The following ADGRG6 variants were observed in gnomAD, a reference collection of about 807,000 sequenced individuals.
The protein encoded by ADGRG6 is adhesion G protein-coupled receptor G6.
Under a neutral mutation model 142.4 loss-of-function variants are expected in ADGRG6, and 84 were observed. The ratio of observed to expected loss-of-function variants is 0.59; its 90% CI spans 0.49 to 0.71. ADGRG6 has a LOEUF of 0.71. ADGRG6 is among the 30% of genes least tolerant of loss of function. The probability of loss-of-function intolerance (pLI) is 0.00; values close to 1 mark genes in which losing one functional copy is unlikely to be tolerated. For synonymous variants in ADGRG6, 521 were observed against 520.5 expected (o/e 1.00, Z -0.01); for missense variants, 1,367 against 1,466.6 (o/e 0.93, Z 1.11).
At position 142,320,031 on chromosome 6, in the gene ADGRG6, G is replaced by A. The variant is rs149378104; in HGVS notation, c.103+10387G>A. On this transcript the variant is annotated intron_variant, in intron 2 of 24. Transcript: ENST00000367609. ...AGAATACATAAACCAGTTTGTTCAC[G>A]TGGAGGTAAAAAAAATTAGATTTGA... is the stretch of plus-strand genomic sequence containing the variant. Among the ~76,000 whole-genome samples, 1,464 of 152,086 alleles carry A rather than the reference G, an allele frequency of 9.6e-3. 25 individuals carry two copies. Among genetic ancestry groups the A allele is most frequent in the East Asian group, 0.059 (305 of 5,182 alleles).
chr6:142,418,095 G>A (rs1321707697), intron 21 of ADGRG6, among the ~76,000 whole-genome samples: 1 of 151,986 alleles, frequency 6.6e-6, no homozygotes, highest in Non-Finnish European at 1.5e-5. Flanking sequence ...AGAAGTTTGA[G>A]ATCAGCCTGG....
intron 9 of ADGRG6, 62 bp downstream of exon 9, chr6:142,394,020 G>A: frequency 9.6e-7 from 1 of 1,039,760 alleles, no homozygotes; most frequent in Non-Finnish European, 1.5e-6. Context: ...ACTTTATCTG[G>A]TAGAGAAATG....
intron 2 of ADGRG6, among the ~76,000 whole-genome samples, chr6:142,321,390 T>C (rs1039989181): frequency 6.6e-5 from 10 of 151,906 alleles, no homozygotes; most frequent in Admixed American, 2.6e-4. Flanking sequence ...AAAAGACTTA[T>C]ATAAGAATTT....
chr6:142,430,634 A>G (rs1350487901), intron 22 of ADGRG6, among the ~76,000 whole-genome samples: 1 of 152,216 alleles, frequency 6.6e-6, no homozygotes, highest in African/African-American at 2.4e-5. Context: ...GAATAGTTAA[A>G]TAGCTCTAAC....
At chr6:142,325,655 T>C (rs192518234) in intron 2 of ADGRG6, among the ~76,000 whole-genome samples, 2 of 152,256 alleles carry the variant, frequency 1.3e-5, no homozygotes, top group East Asian at 3.9e-4. Flanking sequence ...CCTGTAACCA[T>C]AGCTGTATTC....
At chr6:142,412,468 A>AT (rs1221862104) in intron 18 of ADGRG6, among the ~76,000 whole-genome samples, 1 of 152,164 alleles carries the variant, frequency 6.6e-6, no homozygotes, top group East Asian at 1.9e-4. Flanking sequence ...TGGCTCACAA[A>AT]TCTACTCAGC....
At chr6:142,418,773 GA>G (rs1236812138) in intron 21 of ADGRG6, among the ~76,000 whole-genome samples, 1 of 152,088 alleles carries the variant, frequency 6.6e-6, no homozygotes, top group Non-Finnish European at 1.5e-5. Flanking sequence ...ATATGGCCCA[GA>G]ATAATAACCA....
At chr6:142,374,408 G>A (rs1399002762) in intron 4 of ADGRG6, among the ~76,000 whole-genome samples, 1 of 152,210 alleles carries the variant, frequency 6.6e-6, no homozygotes, top group Non-Finnish European at 1.5e-5. Flanking sequence ...TAAACAATTA[G>A]ATTTCACATA....
At position 142,302,036 on chromosome 6, in the gene ADGRG6, A is replaced by G. The variant is rs374899993; in HGVS notation, c.-294A>G. The G allele has an allele frequency of 1.4e-3, 684 of 500,152 alleles. 3 individuals carry two copies. Among genetic ancestry groups the G allele is most frequent in the African/African-American group, 0.012 (609 of 50,424 alleles). 31.0% of individuals were successfully genotyped at this position (500,152 alleles called of 1,614,324 possible). ...TCTCCTCAGCACCAGCCCCACGCAC[A>G]CCCTACTTCCTCAGCTTCTCGCCCT... On this transcript the variant is annotated 5_prime_UTR_variant, in exon 1 of 25. Coordinates refer to ENST00000367609, the MANE Select transcript of ADGRG6 (RefSeq NM_198569.3).
intron 22 of ADGRG6, among the ~76,000 whole-genome samples, chr6:142,424,997 T>A (rs1379315970): frequency 1.3e-5 from 2 of 151,982 alleles, no homozygotes; most frequent in African/African-American, 4.8e-5. Flanking sequence ...GTGCAAAAAA[T>A]TTGCTATAGT....
chr6:142,444,587 A>G lies in ADGRG6; in HGVS notation c.*1072A>G, dbSNP rs536647819. On this transcript the variant is annotated 3_prime_UTR_variant, in exon 25 of 25. Transcript: ENST00000367609. ...TAATTTATGAAGAGCTGGGTCTGCA[A>G]TAGCTAGTCTAAAAACTACTTGTGT... The G allele has an allele frequency of 2.0e-5, 3 of 152,310 alleles. No individual in the cohort carries two copies. Among genetic ancestry groups the G allele is most frequent in the Non-Finnish European group, 2.9e-5 (2 of 68,014 alleles). The allele number at this position is 152,310 out of a possible 1,614,324, so 9.4% of individuals were successfully genotyped here.
At chr6:142,341,777 T>C (rs920286968) in intron 2 of ADGRG6, among the ~76,000 whole-genome samples, 4 of 149,276 alleles carry the variant, frequency 2.7e-5, no homozygotes, top group Non-Finnish European at 5.9e-5. Context: ...TTTTTACCTC[T>C]CCTTCTAAAT....
At chr6:142,357,439 C>A (rs1009992633) in intron 2 of ADGRG6, among the ~76,000 whole-genome samples, 1 of 151,982 alleles carries the variant, frequency 6.6e-6, no homozygotes, top group Non-Finnish European at 1.5e-5. Context: ...TTAAAAAAAT[C>A]TGTATTATGG....
chr6:142,310,159 C>A (rs1777694486), intron 2 of ADGRG6, among the ~76,000 whole-genome samples: 1 of 151,448 alleles, frequency 6.6e-6, no homozygotes, highest in African/African-American at 2.4e-5. Context: ...TTAATTACAG[C>A]ATTTTTGGAA....
At chr6:142,385,244 G>T (rs1221646687) in intron 6 of ADGRG6, among the ~76,000 whole-genome samples, 1 of 152,074 alleles carries the variant, frequency 6.6e-6, no homozygotes, top group African/African-American at 2.4e-5. Context: ...ATCTCTCTCT[G>T]CGTCATAACC....
chr6:142,444,428 C>T lies in ADGRG6; in HGVS notation c.*913C>T, dbSNP rs1410332515. 1.4e-4 allele frequency: 21 copies of T among 152,190 alleles called. 1 individual carries two copies. Among genetic ancestry groups the T allele is most frequent in the Admixed American group, 1.4e-3 (21 of 15,254 alleles). The allele number at this position is 152,190 out of a possible 1,614,324, so 9.4% of individuals were successfully genotyped here. ...TTTTAGGAGACACACAATTAAGACT[C>T]TCTGGTTCTGTCCTTGCTTTGGAGA... On this transcript the variant is annotated 3_prime_UTR_variant, in exon 25 of 25. Coordinates refer to ENST00000367609, the MANE Select transcript of ADGRG6 (RefSeq NM_198569.3).
At chr6:142,384,425 T>C (rs1023576384) in intron 6 of ADGRG6, among the ~76,000 whole-genome samples, 2 of 152,104 alleles carry the variant, frequency 1.3e-5, no homozygotes, top group African/African-American at 2.4e-5. Context: ...TTCTTGCTTT[T>C]TTCTCCAAAT....
intron 10 of ADGRG6, among the ~76,000 whole-genome samples, chr6:142,398,279 T>C (rs1287311039): frequency 6.6e-6 from 1 of 151,964 alleles, no homozygotes; most frequent in East Asian, 1.9e-4. Flanking sequence ...AAGAAATTAG[T>C]TGGGTGTTGT....
chr6:142,378,337 A>G (rs1175827479), intron 4 of ADGRG6, among the ~76,000 whole-genome samples: 2 of 152,174 alleles, frequency 1.3e-5, no homozygotes, highest in Non-Finnish European at 2.9e-5. Context: ...TTGACTGCCA[A>G]CATTGTGTGT....
Sources: gnomAD v4.1 joint callset for allele counts (sites outside exome capture counted in the v4.1 genomes callset) on GRCh38, gnomAD v4.1.1 for gene constraint, MANE v1.5 for transcripts, NCBI Gene and HGNC (gene_info 2026-07-23, HGNC 2026-07-21) for gene names.